MYOM2: variants seen among roughly 807,000 people sequenced by gnomAD.
MYOM2 encodes myomesin-2.
Under a neutral mutation model 187.6 loss-of-function variants are expected in MYOM2, and 254 were observed. That is an observed-to-expected ratio of 1.35 (90% confidence interval 1.22 to 1.50). The LOEUF (loss-of-function observed/expected upper bound fraction) is 1.50, where lower values mean the gene tolerates loss of function less well. Ranked by LOEUF, MYOM2 falls within the 40% of genes most tolerant of loss-of-function variation. The probability of loss-of-function intolerance (pLI) is 0.00; values close to 1 mark genes in which losing one functional copy is unlikely to be tolerated. For missense variants in MYOM2, 2,796 were observed against 1,924.0 expected (o/e 1.45, Z -8.48); for synonymous variants, 981 against 753.8 (o/e 1.30, Z -4.94).
chr8:2,131,453 T>C (rs3824175), intron 32 of MYOM2, among the ~76,000 whole-genome samples: 21,053 of 151,574 alleles, frequency 0.14, 2,561 homozygotes, highest in African/African-American at 0.31. Flanking sequence ...GGGTCCTAGA[T>C]AGGCAGGCAG....
intron 31 of MYOM2, among the ~76,000 whole-genome samples, chr8:2,126,040 T>C (rs1239043922): frequency 2.6e-5 from 4 of 152,206 alleles, no homozygotes; most frequent in African/African-American, 9.6e-5. Flanking sequence ...AATTATTTTG[T>C]GTTAAAATAT....
chr8:2,112,880 G>A (rs1423236118), intron 25 of MYOM2, among the ~76,000 whole-genome samples: 2 of 152,228 alleles, frequency 1.3e-5, no homozygotes, highest in Non-Finnish European at 2.9e-5. Context: ...GCTGTGAGAG[G>A]AGTGTGGTTC....
rs760625314 is a variant in MYOM2, at chr8:2,123,615, G to A, written c.3628G>A (p.Val1210Met). 3.1e-6 allele frequency: 5 copies of A among 1,614,104 alleles called. No homozygotes were observed. In the South Asian group the frequency reaches 3.3e-5, roughly 11 times the overall value. Residue 1210 changes from valine (V) to methionine (M), a missense_variant, in exon 30 of 37, where the codon GTG becomes ATG. Physicochemically the swap from Val to Met is conservative, Grantham distance 21. Coordinates refer to ENST00000262113, the MANE Select transcript of MYOM2 (RefSeq NM_003970.4). ...CTTGAAAGATGACAGAGGCCAAGAT[G>A]TGTCCATCCTTGAAATAGCTGGCAA... ...ATLKDDRGQD[V>M]SILEIAGKVY...
chr8:2,123,505 A>G, intron 29 of MYOM2, 50 bp from the exon 30 acceptor site: 1 of 1,535,958 alleles, frequency 6.5e-7, no homozygotes, highest in South Asian at 1.1e-5. Context: ...TACGTTTTCT[A>G]AGATTGCAGT....
At chr8:2,071,136 T>A (rs1272559129) in intron 8 of MYOM2, among the ~76,000 whole-genome samples, 2 of 151,722 alleles carry the variant, frequency 1.3e-5, no homozygotes. Flanking sequence ...CCCGGCTCGT[T>A]TTTTCTTTAT....
Position 2,106,526 on chromosome 8 carries a change from A to C in MYOM2, c.2927A>C (p.Asp976Ala). Residue 976 changes from aspartate (D) to alanine (A), a missense_variant, in exon 23 of 37, where the codon GAT becomes GCT. Coordinates refer to ENST00000262113, the MANE Select transcript of MYOM2 (RefSeq NM_003970.4). ...TACTTAAAGAATCCGGATAAGGAGG[A>C]TTTAGGGACTTACTCCGTGTCTGTA... ...KLYLKNPDKE[D>A]LGTYSVSVSD... is the part of the protein sequence containing the mutation. 1 of 1,612,642 alleles carries C rather than the reference A, an allele frequency of 6.2e-7. No individual in the cohort carries two copies. The highest frequency in any genetic ancestry group is 8.5e-7 in the Non-Finnish European group (1 of 1,178,726).
intron 6 of MYOM2, among the ~76,000 whole-genome samples, chr8:2,061,283 C>T (rs1376053393): frequency 1.3e-5 from 2 of 151,878 alleles, no homozygotes; most frequent in Non-Finnish European, 1.5e-5. Context: ...TGTCTCTGTC[C>T]CTGTCCAGCC....
At chr8:2,053,169 A>G (rs1025418099) in intron 3 of MYOM2, among the ~76,000 whole-genome samples, 1 of 152,216 alleles carries the variant, frequency 6.6e-6, no homozygotes, top group Non-Finnish European at 1.5e-5. Context: ...AACATCTTTC[A>G]TTTTGAAAGT....
chr8:2,106,716 C>A, intron 23 of MYOM2, 119 bp downstream of exon 23: 2 of 717,646 alleles, frequency 2.8e-6, no homozygotes, highest in Non-Finnish European at 4.5e-6. Context: ...AGGAGGCTGG[C>A]GGTGGGGGCT....
intron 6 of MYOM2, among the ~76,000 whole-genome samples, 194 bp downstream of exon 6, chr8:2,059,439 A>G (rs1818779809): frequency 1.3e-5 from 2 of 152,180 alleles, no homozygotes; most frequent in Non-Finnish European, 2.9e-5. Context: ...GTGTCTGGCC[A>G]GAGGAATGCA....
chr8:2,078,708 G>C lies in MYOM2; in HGVS notation c.1263-26G>C, dbSNP rs755028400. ...TAGGTTGCCACATTTGCTATTCTCT[G>C]TTGTTTTTCTTTTTTTAACTTGAAG... On this transcript the variant is annotated intron_variant, in intron 11 of 36. Transcript: ENST00000262113. The C allele has an allele frequency of 9.9e-6, 16 of 1,611,378 alleles. No individual in the cohort carries two copies. In the East Asian group the frequency reaches 2.9e-4, roughly 29 times the overall value.
chr8:2,136,866 C>T (rs1276512809), intron 32 of MYOM2, among the ~76,000 whole-genome samples: 1 of 152,194 alleles, frequency 6.6e-6, no homozygotes, highest in East Asian at 1.9e-4. Flanking sequence ...AACATAAACG[C>T]CGCAAAGGCT....
intron 6 of MYOM2, among the ~76,000 whole-genome samples, chr8:2,065,815 G>C (rs970721511): frequency 1.3e-5 from 2 of 152,178 alleles, no homozygotes; most frequent in African/African-American, 2.4e-5. Context: ...AAGTGGCTGC[G>C]TAAGGTTCAT....
At chr8:2,076,433 T>A (rs1432936937) in intron 11 of MYOM2, 151 bp downstream of exon 11, 1 of 1,066,870 alleles carries the variant, frequency 9.4e-7, no homozygotes, top group African/African-American at 1.6e-5. Context: ...TAAGTTCCTA[T>A]TTAGGTAATT....
Position 2,072,411 on chromosome 8 carries a change from C to T in MYOM2, c.860C>T (p.Thr287Ile), listed in dbSNP as rs746796206. 5.0e-6 allele frequency: 8 copies of T among 1,614,170 alleles called. No homozygotes were observed. The highest frequency in any genetic ancestry group is 6.8e-6 in the Non-Finnish European group (8 of 1,180,042). Reference protein sequence around the residue: ...DVQFLEKFGVTFRREGETVTL... With the variant: ...DVQFLEKFGVIFRREGETVTL... ...CAGTTTTTGGAGAAGTTTGGGGTCA[C>T]CTTCAGGAGGGAAGGCGAGACGGTC... Residue 287 changes from threonine to isoleucine, a missense_variant, in exon 9 of 37, where the codon ACC becomes ATC. Coordinates refer to ENST00000262113, the MANE Select transcript of MYOM2 (RefSeq NM_003970.4).
intron 9 of MYOM2, 95 bp from the exon 10 acceptor site, chr8:2,073,244 C>G: frequency 7.2e-7 from 1 of 1,387,232 alleles, no homozygotes; most frequent in East Asian, 2.3e-5. Flanking sequence ...CTCGACTGTC[C>G]TGTCCCGCTC....
Position 2,065,309 on chromosome 8 carries a change from G to T in MYOM2, c.654-3969G>T, listed in dbSNP as rs571235478. The stretch of plus-strand genomic sequence containing the variant: ...TGGCAGGCCAGGCACGGTGGCTCAT[G>T]CCTGTAATCCCAGCATGTTGGGAGG... On this transcript the variant is annotated intron_variant, in intron 6 of 36. Coordinates refer to ENST00000262113, the MANE Select transcript of MYOM2 (RefSeq NM_003970.4). 2.0e-5 allele frequency among the ~76,000 whole-genome samples: 3 copies of T among 152,326 alleles called. No homozygotes were observed. In the South Asian group the frequency reaches 6.2e-4, roughly 32 times the overall value.
rs755223230 is a variant in MYOM2 at position 2,101,098 on chromosome 8, C to T, written c.2619+44C>T. 1.3e-5 allele frequency: 20 copies of T among 1,596,882 alleles called. 1 individual carries two copies. The South Asian group carries it at 2.0e-4, about 16-fold the overall frequency. The stretch of plus-strand genomic sequence containing the variant: ...TGGTGGCTCATGCCTGTAATCCCAG[C>T]ACTTTGGGAGGTAAAGGCGGGCCAA... On this transcript the variant is annotated intron_variant, in intron 20 of 36. Coordinates refer to ENST00000262113, the MANE Select transcript of MYOM2 (RefSeq NM_003970.4).
chr8:2,057,462 G>A lies in MYOM2; in HGVS notation c.378G>A (p.Leu126=). The change falls in exon 4 of 37, where the codon CTG becomes CTA. Residue 126 remains leucine, a synonymous_variant. Transcript: ENST00000262113. Reference sequence around the variant, plus strand: ...CACGCTCCCAGGCCCGCGACAAGCTGGACAAATACGCCATTCAGCAGATGG... The same window carrying A: ...CACGCTCCCAGGCCCGCGACAAGCTAGACAAATACGCCATTCAGCAGATGG... ...HLARSQARDK[L]DKYAIQQMME... 1 of 1,614,062 alleles carries A rather than the reference G, an allele frequency of 6.2e-7. No homozygotes were observed.
Sources: gnomAD v4.1 joint callset for allele counts (sites outside exome capture counted in the v4.1 genomes callset) on GRCh38, gnomAD v4.1.1 for gene constraint, MANE v1.5 for transcripts, NCBI Gene and HGNC (gene_info 2026-07-23, HGNC 2026-07-21) for gene names.